The following IFT43 variants were observed in gnomAD, a reference collection of about 807,000 sequenced individuals.
IFT43 encodes the protein intraflagellar transport protein 43 homolog.
In IFT43, 33 loss-of-function variants were observed where a neutral mutation model predicts 32.3. That is an observed-to-expected ratio of 1.02 (90% CI 0.77 to 1.37). The LOEUF (loss-of-function observed/expected upper bound fraction) is 1.37, where lower values mean the gene tolerates loss of function less well. Ranked by LOEUF, IFT43 falls within the 40% of genes most tolerant of loss-of-function variation. IFT43 has a pLI of 0.00. For synonymous variants in IFT43, 93 were observed against 98.2 expected, an observed-to-expected ratio of 0.95 and a Z score of 0.31; for missense variants, 274 against 265.9, an observed-to-expected ratio of 1.03 and a Z score of -0.21.
intron 2 of IFT43, among the ~76,000 whole-genome samples, chr14:75,999,271 A>T (rs1317253893): frequency 0.011 from 282 of 25,732 alleles, 18 homozygotes; most frequent in African/African-American, 0.045. Context: ...ATATATATAT[A>T]TGTATATATA....
intron 3 of IFT43, among the ~76,000 whole-genome samples, chr14:76,034,173 G>A (rs2036557445): frequency 6.6e-6 from 1 of 152,182 alleles, no homozygotes; most frequent in South Asian, 2.1e-4. Flanking sequence ...CCGTATATGG[G>A]GAGGTTTAAA....
chr14:75,999,129 A>G (rs954543584), intron 2 of IFT43, among the ~76,000 whole-genome samples: 1 of 130,476 alleles, frequency 7.7e-6, no homozygotes, highest in Non-Finnish European at 1.7e-5. Context: ...TGTCCTCTTA[A>G]CCAGTGATAA....
intron 2 of IFT43, among the ~76,000 whole-genome samples, chr14:75,993,983 G>C (rs1265981235): frequency 6.6e-6 from 1 of 152,054 alleles, no homozygotes; most frequent in African/African-American, 2.4e-5. Flanking sequence ...GTTTTTAATG[G>C]GCACATTACC....
At chr14:75,993,557 A>G (rs934530549) in intron 2 of IFT43, among the ~76,000 whole-genome samples, 10 of 152,136 alleles carry the variant, frequency 6.6e-5, no homozygotes, top group African/African-American at 1.7e-4. Flanking sequence ...GGCCTCCTCT[A>G]TCTATCAGTA....
At chr14:75,995,920 G>A (rs532973268) in intron 2 of IFT43, among the ~76,000 whole-genome samples, 7 of 152,172 alleles carry the variant, frequency 4.6e-5, no homozygotes, top group Non-Finnish European at 8.8e-5. Flanking sequence ...GTGTGCAGAT[G>A]TGCATCGCTG....
chr14:75,985,806 T>C lies in IFT43; in HGVS notation c.20T>C (p.Leu7Ser), dbSNP rs761189937. The C allele has an allele frequency of 2.5e-6, 4 of 1,614,122 alleles. No individual in the cohort carries two copies. The highest frequency in any genetic ancestry group is 3.4e-6 in the Non-Finnish European group (4 of 1,180,016). ...GCGGAGATGGAGGATTTGCTCGACT[T>C]GGACGAGGAGCTTCGCTACAGCTTG... MEDLLD[L>S]DEELRYSLAT... The change falls in exon 1 of 9, where the codon TTG becomes TCG. Residue 7 changes from leucine to serine, a missense_variant. Transcript: ENST00000314067.
At chr14:76,048,165 C>G (rs926873441) in intron 3 of IFT43, among the ~76,000 whole-genome samples, 7 of 152,206 alleles carry the variant, frequency 4.6e-5, no homozygotes, top group African/African-American at 1.7e-4. Context: ...GCATTTATCT[C>G]AAGTTCACAA....
At chr14:76,002,893 C>T (rs2035916266) in intron 2 of IFT43, among the ~76,000 whole-genome samples, 1 of 152,086 alleles carries the variant, frequency 6.6e-6, no homozygotes, top group African/African-American at 2.4e-5. Context: ...TGGGGGAAGC[C>T]AGGATTTAGG....
intron 5 of IFT43, among the ~76,000 whole-genome samples, chr14:76,079,173 C>T (rs543498312): frequency 1.3e-5 from 2 of 152,316 alleles, no homozygotes; most frequent in Admixed American, 6.5e-5. Context: ...AGGGCTCAGG[C>T]ATCGCAGCCA....
downstream of IFT43, chr14:76,083,953 G>A (rs1293916837): frequency 2.2e-6 from 1 of 464,826 alleles, no homozygotes; most frequent in Non-Finnish European, 4.3e-6. Context: ...GGGTTCTGGG[G>A]CGGGGCCTCC....
In IFT43 at chr14:75,985,783, G is replaced by A. The variant is rs561175140; in HGVS notation, c.-4G>A. On this transcript the variant is annotated 5_prime_UTR_variant, in exon 1 of 9. Transcript: ENST00000314067. ...CCAGGAAGTGACGTCAGGCGGCCGCGGAGATGGAGGATTTGCTCGACTTGG... is the reference window on the plus strand; with the variant it reads ...CCAGGAAGTGACGTCAGGCGGCCGCAGAGATGGAGGATTTGCTCGACTTGG... The A allele has an allele frequency of 6.2e-7, 1 of 1,614,074 alleles. No individual in the cohort carries two copies. Among genetic ancestry groups the A allele is most frequent in the African/African-American group, 1.3e-5 (1 of 74,940 alleles).
Position 76,083,472 on chromosome 14 carries a change from G to A in IFT43, c.522G>A (p.Trp174Ter). The A allele has an allele frequency of 6.2e-7, 1 of 1,614,140 alleles. No homozygotes were observed. Among genetic ancestry groups the A allele is most frequent in the Non-Finnish European group, 8.5e-7 (1 of 1,180,036 alleles). ...EHEVREDDVG[W>*]DWDHLFTEVS... The stretch of plus-strand genomic sequence containing the variant: ...CTTCTTGGCAGGATGATGTCGGCTG[G>A]GACTGGGACCATCTGTTCACTGAGG... The change falls in exon 9 of 9, where the codon TGG (tryptophan) becomes TGA (stop). Residue 174 changes from tryptophan to a stop codon, truncating the protein, a stop_gained. Transcript: ENST00000314067. LOFTEE classifies it high-confidence loss of function.
At chr14:76,081,403 C>T (rs943010833) in intron 5 of IFT43, among the ~76,000 whole-genome samples, 1 of 152,198 alleles carries the variant, frequency 6.6e-6, no homozygotes, top group Non-Finnish European at 1.5e-5. Flanking sequence ...CCTCCCTTCT[C>T]CCCCACCCCT....
At chr14:76,082,845 ATCAT>A (rs1474072403) in intron 7 of IFT43, among the ~76,000 whole-genome samples, 153 bp downstream of exon 7, 1 of 152,122 alleles carries the variant, frequency 6.6e-6, no homozygotes, top group Non-Finnish European at 1.5e-5. Context: ...AGGTTTTATC[ATCAT>A]TCATCTCACA....
At chr14:76,001,030 C>T (rs938337894) in intron 2 of IFT43, among the ~76,000 whole-genome samples, 2 of 152,154 alleles carry the variant, frequency 1.3e-5, no homozygotes, top group Non-Finnish European at 2.9e-5. Context: ...TCTAGGGTCT[C>T]TATGAAGAAC....
intron 2 of IFT43, chr14:76,013,992 A>T: frequency 4.2e-6 from 1 of 237,224 alleles, no homozygotes; most frequent in East Asian, 9.8e-5. Flanking sequence ...CTGACCAAGT[A>T]ATCCAGGCTG....
downstream of IFT43, chr14:76,084,067 G>C (rs1170609194): frequency 1.4e-5 from 6 of 434,502 alleles, no homozygotes; most frequent in South Asian, 9.6e-5. Flanking sequence ...GGCGGCGGGA[G>C]GGATAAGGAG....
chr14:76,021,977 G>A (rs1205778468), intron 2 of IFT43, among the ~76,000 whole-genome samples: 1 of 152,198 alleles, frequency 6.6e-6, no homozygotes, highest in Non-Finnish European at 1.5e-5. Context: ...TTGGTTGGGC[G>A]CGGTGGCTCA....
At chr14:76,057,583 A>G (rs1021768768) in intron 3 of IFT43, among the ~76,000 whole-genome samples, 6 of 151,508 alleles carry the variant, frequency 4.0e-5, no homozygotes, top group African/African-American at 1.2e-4. Flanking sequence ...GTAGAATTCT[A>G]CTTTTGGCAG....
Sources: allele counts gnomAD v4.1 joint callset (sites outside exome capture counted in the v4.1 genomes callset), GRCh38; gene constraint gnomAD v4.1.1; transcripts MANE v1.5; gene names NCBI Gene and HGNC (gene_info 2026-07-23, HGNC 2026-07-21).